FGF14: variants seen among roughly 807,000 people sequenced by gnomAD.
The protein encoded by FGF14 is fibroblast growth factor homologous factor 4.
In FGF14, 5 loss-of-function variants were observed where a neutral mutation model predicts 25.5. The ratio of observed to expected loss-of-function variants is 0.20; its 90% confidence interval spans 0.10 to 0.41. The LOEUF (loss-of-function observed/expected upper bound fraction) is 0.41. Ranked by LOEUF, FGF14 falls within the 10% of genes least tolerant of loss-of-function variation. The pLI is 1.00. For missense variants in FGF14, 222 were observed against 320.1 expected (o/e 0.69, Z 2.34); for synonymous variants, 138 against 118.3 (o/e 1.17, Z -1.08).
chr13:102,088,167 G>A (rs775629444), intron 1 of FGF14, among the ~76,000 whole-genome samples: 4 of 152,118 alleles, frequency 2.6e-5, no homozygotes, highest in South Asian at 2.1e-4. Flanking sequence ...GTTCGGGTTC[G>A]TTTCTCTATG....
chr13:102,301,496 A>G (rs1388516475), intron 1 of FGF14, among the ~76,000 whole-genome samples: 1 of 152,164 alleles, frequency 6.6e-6, no homozygotes, highest in Non-Finnish European at 1.5e-5. Context: ...AGGTAGATAA[A>G]AATGTAAATT....
chr13:102,021,217 G>C (rs1317825404), intron 1 of FGF14, among the ~76,000 whole-genome samples: 1 of 151,988 alleles, frequency 6.6e-6, no homozygotes, highest in Non-Finnish European at 1.5e-5. Flanking sequence ...CCAAAGTCTT[G>C]GATAAAGGAA....
chr13:101,871,067 T>C (rs1195877744), intron 2 of FGF14, among the ~76,000 whole-genome samples: 4 of 152,140 alleles, frequency 2.6e-5, no homozygotes, highest in Non-Finnish European at 5.9e-5. Flanking sequence ...TACACTAAAA[T>C]GTGGAGAACC....
In FGF14 at chr13:102,071,950, G is replaced by A. The variant is rs568341732; in HGVS notation, c.209-196654C>T. 4.6e-4 allele frequency among the ~76,000 whole-genome samples: 70 copies of A among 152,180 alleles called. 1 individual carries two copies. Among genetic ancestry groups the A allele is most frequent in the Non-Finnish European group, 5.3e-4 (36 of 68,016 alleles). Reference sequence around the variant, plus strand: ...CAAAACTATCAGGGCTAGAACAGCCGTTCCCCTCCAACCCCCAGCATATAA... The same window carrying A: ...CAAAACTATCAGGGCTAGAACAGCCATTCCCCTCCAACCCCCAGCATATAA... On this transcript the variant is annotated intron_variant, in intron 1 of 4. Coordinates refer to the FGF14 transcript ENST00000376131.
chr13:102,336,248 G>T (rs2056784266), intron 1 of FGF14, among the ~76,000 whole-genome samples: 1 of 152,206 alleles, frequency 6.6e-6, no homozygotes, highest in Non-Finnish European at 1.5e-5. Flanking sequence ...AATTAAAAGT[G>T]CTACTCCAGC....
intron 1 of FGF14, among the ~76,000 whole-genome samples, chr13:102,171,453 AG>A (rs1218133245): frequency 1.3e-5 from 2 of 152,218 alleles, no homozygotes; most frequent in African/African-American, 4.8e-5. Context: ...TAGGTATAAA[AG>A]GAAGTCTCTC....
At chr13:101,768,067 TCAA>T (rs2038520680) in intron 3 of FGF14, among the ~76,000 whole-genome samples, 1 of 151,946 alleles carries the variant, frequency 6.6e-6, no homozygotes, top group African/African-American at 2.4e-5. Context: ...AACATAAAAA[TCAA>T]CAACATGTAA....
chr13:102,277,019 T>C (rs1273737271), intron 1 of FGF14, among the ~76,000 whole-genome samples: 1 of 152,176 alleles, frequency 6.6e-6, no homozygotes, highest in Non-Finnish European at 1.5e-5. Flanking sequence ...GAAGGATTAA[T>C]ATGTTGCCTA....
chr13:102,061,161 G>A (rs2042672334), intron 1 of FGF14, among the ~76,000 whole-genome samples: 1 of 152,182 alleles, frequency 6.6e-6, no homozygotes, highest in Non-Finnish European at 1.5e-5. Context: ...GCCCTTATGT[G>A]ACCCGATTTT....
chr13:102,199,828 G>C (rs1277532050), intron 1 of FGF14, among the ~76,000 whole-genome samples: 1 of 152,128 alleles, frequency 6.6e-6, no homozygotes, highest in Non-Finnish European at 1.5e-5. Flanking sequence ...AGACTTTAGA[G>C]CGTGTTTCTC....
At chr13:102,263,366 T>A (rs2052816693) in intron 1 of FGF14, among the ~76,000 whole-genome samples, 1 of 152,174 alleles carries the variant, frequency 6.6e-6, no homozygotes, top group South Asian at 2.1e-4. Context: ...TTATGTAGTA[T>A]CATAATTTGA....
intron 1 of FGF14, among the ~76,000 whole-genome samples, chr13:101,909,553 C>T (rs557600751): frequency 1.3e-3 from 203 of 152,304 alleles, no homozygotes; most frequent in Admixed American, 3.1e-3. Context: ...TACCATCTCA[C>T]ACCAGTTAGA....
chr13:102,081,246 A>C (rs1423029375), intron 1 of FGF14, among the ~76,000 whole-genome samples: 1 of 152,244 alleles, frequency 6.6e-6, no homozygotes, highest in Non-Finnish European at 1.5e-5. Context: ...ACCAAGTAAA[A>C]GAGAGAATTG....
At chr13:101,920,346 T>A (rs778073009), upstream of FGF14, among the ~76,000 whole-genome samples, 2 of 152,174 alleles carry the variant, frequency 1.3e-5, no homozygotes, top group Non-Finnish European at 2.9e-5. Flanking sequence ...TGAACTCTCA[T>A]TTCAGAGGTT....
intron 1 of FGF14, among the ~76,000 whole-genome samples, chr13:101,913,290 G>T (rs1266980750): frequency 6.6e-6 from 1 of 152,068 alleles, no homozygotes; most frequent in East Asian, 1.9e-4. Flanking sequence ...AGGGTAGATG[G>T]AGCTGAATCT....
At chr13:101,931,006 C>T (rs2034714872) in intron 1 of FGF14, among the ~76,000 whole-genome samples, 2 of 152,284 alleles carry the variant, frequency 1.3e-5, no homozygotes, top group Middle Eastern at 6.8e-3. Context: ...TCAGAATTGG[C>T]CCCAAAGCCT....
At position 101,749,472 on chromosome 13, in the gene FGF14, TACAG is replaced by T. The variant is rs1218297776; in HGVS notation, c.409-22666_409-22663del. ...TGTAACACTCTTAAAATGACAAAAA[TACAG>T]AAATAGAGAATAAAAAAGGGTTAAG... is the stretch of plus-strand genomic sequence containing the variant. On this transcript the variant is annotated intron_variant, in intron 3 of 4. Coordinates refer to ENST00000376143, the MANE Select transcript of FGF14 (RefSeq NM_004115.4). 2.0e-5 allele frequency among the ~76,000 whole-genome samples: 3 copies of T among 151,978 alleles called. No individual in the cohort carries two copies. The East Asian group carries it at 5.8e-4, about 29-fold the overall frequency.
intron 1 of FGF14, among the ~76,000 whole-genome samples, chr13:102,255,563 CAGAA>C (rs1319254982): frequency 1.3e-4 from 20 of 152,260 alleles, no homozygotes; most frequent in African/African-American, 4.6e-4. Context: ...GAGATACAGT[CAGAA>C]AGGTCCTATG....
At chr13:102,289,714 CTG>C (rs1392908904) in intron 1 of FGF14, among the ~76,000 whole-genome samples, 3 of 152,212 alleles carry the variant, frequency 2.0e-5, no homozygotes, top group African/African-American at 7.2e-5. Flanking sequence ...AGAAGAGATT[CTG>C]TGTCATATCT....
Sources: gnomAD v4.1 joint callset for allele counts (sites outside exome capture counted in the v4.1 genomes callset) on GRCh38, gnomAD v4.1.1 for gene constraint, MANE v1.5 for transcripts, NCBI Gene and HGNC (gene_info 2026-07-23, HGNC 2026-07-21) for gene names.